The following TJP1 variants were observed in gnomAD, a reference collection of about 807,000 sequenced individuals.
TJP1 encodes tight junction protein 1.
A neutral mutation model predicts 194.2 loss-of-function variants in TJP1; 43 were observed. The ratio of observed to expected loss-of-function variants is 0.22; its 90% confidence interval spans 0.17 to 0.29. The LOEUF (loss-of-function observed/expected upper bound fraction) is 0.29. TJP1 is among the 10% of genes least tolerant of loss of function. The pLI is 1.00. For synonymous variants in TJP1, 801 were observed against 779.0 expected (o/e 1.03, Z -0.47); for missense variants, 1,971 against 2,185.7 (o/e 0.90, Z 1.96).
At chr15:29,846,037 A>T (rs192435740) in intron 2 of TJP1, among the ~76,000 whole-genome samples, 1 of 151,910 alleles carries the variant, frequency 6.6e-6, no homozygotes, top group East Asian at 1.9e-4. Context: ...TCCTCCCCCA[A>T]CTCACTGCAC....
intron 2 of TJP1, among the ~76,000 whole-genome samples, chr15:29,793,395 G>A (rs187037898): frequency 1.1e-4 from 16 of 152,228 alleles, no homozygotes; most frequent in Admixed American, 2.0e-4. Context: ...GTGATGTATC[G>A]CATTTACAGA....
intron 2 of TJP1, among the ~76,000 whole-genome samples, chr15:29,918,494 G>C (rs887904628): frequency 2.6e-5 from 4 of 152,146 alleles, no homozygotes; most frequent in Admixed American, 2.6e-4. Flanking sequence ...GAGTACTGTG[G>C]GGGACCAAGG....
At position 29,704,171 on chromosome 15, in the gene TJP1, A is replaced by C; in HGVS notation, c.5203T>G (p.Ser1735Ala). The C allele has an allele frequency of 6.4e-7, 1 of 1,559,278 alleles. No individual in the cohort carries two copies. The highest frequency in any genetic ancestry group is 8.7e-7 in the Non-Finnish European group (1 of 1,150,468). ...AGTGAAGACAGCATACCCGACGAGG[A>C]GTCGGATGATTTTAGAGCAAAAGAC... is the stretch of plus-strand genomic sequence containing the variant. The part of the protein sequence containing the change: ...GWSFALKSSD[S>A]SSGDPKTWQN... Residue 1735 changes from serine to alanine, a missense_variant, in exon 27 of 28, where the codon TCC (serine) becomes GCC (alanine). Ser to Ala is a moderately conservative substitution (Grantham distance 99). This residue lies in a region of TJP1 where 1,108 missense variants were observed against 1,128.5 expected (regional missense o/e 0.98). Coordinates refer to ENST00000614355, the MANE Select transcript of TJP1 (RefSeq NM_001330239.4).
chr15:29,946,228 G>A (rs1306934831), intron 2 of TJP1, among the ~76,000 whole-genome samples: 1 of 152,228 alleles, frequency 6.6e-6, no homozygotes, highest in Non-Finnish European at 1.5e-5. Context: ...TTTTACTACA[G>A]TGGAATGCCA....
At chr15:29,753,276 G>A (rs1049842877) in intron 8 of TJP1, among the ~76,000 whole-genome samples, 1 of 151,862 alleles carries the variant, frequency 6.6e-6, no homozygotes, top group Non-Finnish European at 1.5e-5. Flanking sequence ...GAGGTCAGGA[G>A]ATCGAGACCA....
At chr15:29,956,433 A>C (rs978410193) in intron 1 of TJP1, 3 of 1,230,116 alleles carry the variant, frequency 2.4e-6, no homozygotes, top group African/African-American at 3.2e-5. Flanking sequence ...GTTTGAGGTA[A>C]GCATTTACTC....
In TJP1 at chr15:29,793,703, G is replaced by A. The variant is rs187320819; in HGVS notation, c.84+6943C>T. ...GGGGAGATGGGGCTAAACCATTCAT[G>A]AGAACTCCACTCCTATGATCCAATC... On this transcript the variant is annotated intron_variant, in intron 2 of 27. Transcript: ENST00000614355. 2.3e-4 allele frequency among the ~76,000 whole-genome samples: 35 copies of A among 152,274 alleles called. No individual in the cohort carries two copies. The East Asian group carries it at 6.6e-3, about 29-fold the overall frequency.
intron 2 of TJP1, among the ~76,000 whole-genome samples, chr15:29,828,735 CTTTT>C (rs60018975): frequency 3.7e-5 from 5 of 133,334 alleles, no homozygotes; most frequent in African/African-American, 8.2e-5. Flanking sequence ...TGAATTGAGT[CTTTT>C]TTTTTTTTTT....
intron 2 of TJP1, among the ~76,000 whole-genome samples, chr15:29,920,116 C>A (rs1212802703): frequency 6.6e-6 from 1 of 152,158 alleles, no homozygotes; most frequent in African/African-American, 2.4e-5. Context: ...TGGGGCACTG[C>A]CAGGTAAGGA....
chr15:29,935,174 T>C (rs1016096961), intron 2 of TJP1, among the ~76,000 whole-genome samples: 2 of 151,608 alleles, frequency 1.3e-5, no homozygotes, highest in Non-Finnish European at 2.9e-5. Flanking sequence ...CCTAGGTCAT[T>C]TGAACATTTA....
chr15:29,730,769 C>T (rs562050070), intron 15 of TJP1: 9 of 769,344 alleles, frequency 1.2e-5, no homozygotes, highest in African/African-American at 1.7e-5. Flanking sequence ...AGGTGAAGGA[C>T]GAACCACAGA....
chr15:29,748,722 G>A (rs1240549839), intron 8 of TJP1, among the ~76,000 whole-genome samples: 1 of 151,788 alleles, frequency 6.6e-6, no homozygotes, highest in African/African-American at 2.4e-5. Context: ...ACAGATGCGT[G>A]CCACCATACC....
chr15:29,843,733 T>C (rs2051311041), intron 2 of TJP1, among the ~76,000 whole-genome samples: 1 of 151,808 alleles, frequency 6.6e-6, no homozygotes, highest in Admixed American at 6.6e-5. Context: ...GTGAAGAAAG[T>C]GAAGGAGGAG....
At chr15:29,949,751 A>C (rs2055564826) in intron 2 of TJP1, among the ~76,000 whole-genome samples, 1 of 99,052 alleles carries the variant, frequency 1.0e-5, no homozygotes, top group African/African-American at 3.6e-5. Context: ...CACCACCTCC[A>C]CTTTCACCAC....
At chr15:29,786,507 T>G (rs2047709940) in intron 2 of TJP1, among the ~76,000 whole-genome samples, 1 of 152,222 alleles carries the variant, frequency 6.6e-6, no homozygotes, top group Admixed American at 6.5e-5. Flanking sequence ...CCATAAACTT[T>G]TTGTTTTTTA....
intron 2 of TJP1, among the ~76,000 whole-genome samples, chr15:29,917,353 T>G (rs1396795759): frequency 2.0e-5 from 3 of 152,208 alleles, no homozygotes; most frequent in Admixed American, 1.3e-4. Flanking sequence ...TCACTACTAT[T>G]AAAAATACCT....
chr15:29,844,392 C>T (rs900726002), intron 2 of TJP1, among the ~76,000 whole-genome samples: 16 of 152,112 alleles, frequency 1.1e-4, no homozygotes, highest in African/African-American at 3.9e-4. Flanking sequence ...CTAACAGAAA[C>T]GCTGCTGCTG....
chr15:29,860,575 T>C (rs1345967274), intron 2 of TJP1, among the ~76,000 whole-genome samples: 1 of 152,166 alleles, frequency 6.6e-6, no homozygotes, highest in Non-Finnish European at 1.5e-5. Context: ...TTTTCAAGGT[T>C]CCCCCATGTG....
At chr15:29,836,933 C>T (rs749450301) in intron 2 of TJP1, among the ~76,000 whole-genome samples, 5 of 152,166 alleles carry the variant, frequency 3.3e-5, no homozygotes, top group Admixed American at 1.3e-4. Context: ...AACCCACTGG[C>T]GCAGCCCCCT....
Sources: allele counts gnomAD v4.1 joint callset (sites outside exome capture counted in the v4.1 genomes callset), GRCh38; gene constraint gnomAD v4.1.1; regional missense constraint gnomAD v4.1.1; transcripts MANE v1.5; gene names NCBI Gene and HGNC (gene_info 2026-07-23, HGNC 2026-07-21).